Variants in PYHIN1 observed in about 807,000 individuals in gnomAD.
PYHIN1 encodes the protein pyrin and HIN domain-containing protein 1.
Under a neutral mutation model 43.7 loss-of-function variants are expected in PYHIN1, and 32 were observed. The observed-to-expected ratio is 0.73, with a 90% CI of 0.55 to 0.98. PYHIN1 has a LOEUF of 0.98. Ranked by LOEUF, PYHIN1 falls within the 50% of genes least tolerant of loss-of-function variation. The probability of loss-of-function intolerance (pLI) is 0.00; values close to 1 mark genes in which losing one functional copy is unlikely to be tolerated. For synonymous variants in PYHIN1, 205 were observed against 203.1 expected, an observed-to-expected ratio of 1.01 and a Z score of -0.08; for missense variants, 588 against 589.5, an observed-to-expected ratio of 1.00 and a Z score of 0.03.
At chr1:158,980,970 C>T (rs750689083), downstream of PYHIN1, among the ~76,000 whole-genome samples, 20 of 152,110 alleles carry the variant, frequency 1.3e-4, no homozygotes, top group Admixed American at 3.9e-4. Context: ...AGTCACCCCT[C>T]GTGGCCCAGC....
rs1276473775 is a variant in PYHIN1 at position 158,936,937 on chromosome 1, T to C, written c.27T>C (p.Val9=). MANNYKKI[V]LLKGLEVIND... ...TGGCAAATAACTACAAGAAAATTGT[T>C]CTACTGAAAGGATTAGAGGTCATCA... Residue 9 remains valine (V), a synonymous_variant, in exon 2 of 9, where the codon GTT becomes GTC. Coordinates refer to ENST00000368140, the MANE Select transcript of PYHIN1 (RefSeq NM_152501.5). 1 of 1,587,314 alleles carries C rather than the reference T, an allele frequency of 6.3e-7. No individual in the cohort carries two copies. Among genetic ancestry groups the C allele is most frequent in the Non-Finnish European group, 8.5e-7 (1 of 1,170,036 alleles).
At chr1:158,948,258 T>C (rs1305279425) in intron 7 of PYHIN1, among the ~76,000 whole-genome samples, 1 of 152,190 alleles carries the variant, frequency 6.6e-6, no homozygotes, top group African/African-American at 2.4e-5. Context: ...GTCAAACCAG[T>C]AGAGATAATC....
At chr1:158,966,075 C>A (rs1466940451) in intron 7 of PYHIN1, among the ~76,000 whole-genome samples, 1 of 152,106 alleles carries the variant, frequency 6.6e-6, no homozygotes, top group Non-Finnish European at 1.5e-5. Context: ...ATACAACAAT[C>A]CTTCAGAGAC....
rs548526850 is a variant in PYHIN1, at chr1:158,962,433, G to A, written c.1360-11214G>A. 2.6e-5 allele frequency among the ~76,000 whole-genome samples: 4 copies of A among 152,240 alleles called. No homozygotes were observed. The South Asian group carries it at 8.3e-4, about 32-fold the overall frequency. On this transcript the variant is annotated intron_variant, in intron 7 of 8. Transcript: ENST00000368140. ...CCCCAACACACTGGAGCCACCCCAC[G>A]GAGAAGTGATCGGACCGTTGTATCC...
chr1:158,966,414 A>G (rs2101721636), intron 7 of PYHIN1, among the ~76,000 whole-genome samples: 1 of 152,254 alleles, frequency 6.6e-6, no homozygotes, highest in African/African-American at 2.4e-5. Flanking sequence ...GCAGAGACAC[A>G]ACAAAAAAAG....
chr1:158,940,609 T>C (rs1648859459), intron 4 of PYHIN1, among the ~76,000 whole-genome samples: 1 of 152,194 alleles, frequency 6.6e-6, no homozygotes. Context: ...TAAAAAAATG[T>C]TCTATATTTC....
chr1:158,961,255 T>C (rs1297215945), intron 7 of PYHIN1, among the ~76,000 whole-genome samples: 1 of 152,238 alleles, frequency 6.6e-6, no homozygotes, highest in East Asian at 1.9e-4. Context: ...TTCACAAAGA[T>C]AGTGAGTGTG....
chr1:158,939,245 G>C lies in PYHIN1; in HGVS notation c.577G>C (p.Glu193Gln). Reference protein sequence around the residue: ...SSAPPNTSSTESLKPLANRHA... With the variant: ...SSAPPNTSSTQSLKPLANRHA... ...AGCTCCACCCAACACTTCCTCAACT[G>C]AGGTACACTCTTCCTGGTCCCCTTT... The change falls in exon 4 of 9, where the codon GAG becomes CAG. Residue 193 changes from glutamate (E) to glutamine (Q), a missense_variant and splice_region_variant. Glu to Gln is a conservative substitution (Grantham distance 29). Transcript: ENST00000368140. The C allele has an allele frequency of 6.3e-7, 1 of 1,596,564 alleles. No individual in the cohort carries two copies. The highest frequency in any genetic ancestry group is 8.5e-7 in the Non-Finnish European group (1 of 1,171,762).
the PYHIN1 span, among the ~76,000 whole-genome samples, chr1:158,990,863 G>A: frequency 6.6e-6 from 1 of 152,132 alleles, no homozygotes; most frequent in Non-Finnish European, 1.5e-5. Flanking sequence ...CCAGGGGCCA[G>A]TTTCTCCCAT....
At chr1:158,964,527 T>A (rs933055326) in intron 7 of PYHIN1, among the ~76,000 whole-genome samples, 2 of 152,292 alleles carry the variant, frequency 1.3e-5, no homozygotes, top group South Asian at 4.1e-4. Flanking sequence ...CCTATCAGAC[T>A]ACAGCAGAAC....
intron 7 of PYHIN1, among the ~76,000 whole-genome samples, chr1:158,967,804 C>A (rs994861180): frequency 6.6e-6 from 1 of 151,882 alleles, no homozygotes; most frequent in Non-Finnish European, 1.5e-5. Flanking sequence ...CCTACAATCA[C>A]TGGATCTTTG....
chr1:158,953,842 G>C (rs1258653443), intron 7 of PYHIN1, among the ~76,000 whole-genome samples: 6 of 150,846 alleles, frequency 4.0e-5, no homozygotes, highest in Non-Finnish European at 7.4e-5. Flanking sequence ...CAAAGAAGTT[G>C]AAAACTTTGA....
intron 7 of PYHIN1, among the ~76,000 whole-genome samples, chr1:158,953,620 C>A (rs909300244): frequency 6.6e-6 from 1 of 151,886 alleles, no homozygotes; most frequent in Non-Finnish European, 1.5e-5. Context: ...TCATCAAAGA[C>A]CAAAAGTAGA....
chr1:158,939,616 C>T, intron 4 of PYHIN1: 3 of 1,204,368 alleles, frequency 2.5e-6, no homozygotes, highest in Non-Finnish European at 3.6e-6. Flanking sequence ...AGGATTTTCA[C>T]ACACCATATT....
chr1:158,945,091 A>G, intron 7 of PYHIN1, 49 bp downstream of exon 7: 2 of 1,532,298 alleles, frequency 1.3e-6, no homozygotes, highest in South Asian at 1.2e-5. Flanking sequence ...TATAAATTAC[A>G]AGGATCATTA....
At chr1:158,977,585 ATTAAT>A (rs1294430643), downstream of PYHIN1, among the ~76,000 whole-genome samples, 4 of 152,098 alleles carry the variant, frequency 2.6e-5, no homozygotes, top group African/African-American at 9.6e-5. Context: ...CTGAAGAATA[ATTAAT>A]TTATTTTAGA....
rs546648007 is a variant in PYHIN1 at position 158,946,548 on chromosome 1, T to C, written c.1359+1506T>C. Among the ~76,000 whole-genome samples the C allele has an allele frequency of 8.3e-3, 242 of 29,102 alleles. 1 individual carries two copies. The highest frequency in any genetic ancestry group is 0.028 in the African/African-American group (225 of 7,956). 19.1% of individuals were successfully genotyped at this position (29,102 alleles called of 152,430 possible). ...GAAAGAATCCTTCTAGCACAGTGAT[T>C]AGATAGATAGATAGATAGATAGATA... On this transcript the variant is annotated intron_variant, in intron 7 of 8. Coordinates refer to ENST00000368140, the MANE Select transcript of PYHIN1 (RefSeq NM_152501.5).
chr1:158,943,863 G>A lies in PYHIN1; in HGVS notation c.1076G>A (p.Gly359Glu). The A allele has an allele frequency of 6.2e-7, 1 of 1,611,244 alleles. No individual in the cohort carries two copies. Among genetic ancestry groups the A allele is most frequent in the Non-Finnish European group, 8.5e-7 (1 of 1,177,942 alleles). Residue 359 changes from glycine to glutamate, a missense_variant, in exon 6 of 9, where the codon GGA becomes GAA. Physicochemically the swap from Gly to Glu is moderately conservative, Grantham distance 98 (BLOSUM62 -2). Coordinates refer to ENST00000368140, the MANE Select transcript of PYHIN1 (RefSeq NM_152501.5). Reference protein sequence around the residue: ...KTGSMAVVGKGECHNIPCEKG... With the variant: ...KTGSMAVVGKEECHNIPCEKG... ...GGAAGTATGGCTGTAGTAGGAAAAG[G>A]AGAATGCCACAATATCCCCTGTGAA...
chr1:158,942,069 A>C lies in PYHIN1; in HGVS notation c.672A>C (p.Lys224Asn). Reference sequence around the variant, plus strand: ...TCGCGATGGTACTAAATGCAACAAAAGTATTTAAATATGAATCCTCAGAAA... The same window carrying C: ...TCGCGATGGTACTAAATGCAACAAACGTATTTAAATATGAATCCTCAGAAA... ...PIIAMVLNAT[K>N]VFKYESSENE... The change falls in exon 5 of 9, where the codon AAA becomes AAC. Residue 224 changes from lysine (K) to asparagine (N), a missense_variant. Physicochemically the swap from Lys to Asn is moderately conservative, Grantham distance 94. Coordinates refer to ENST00000368140, the MANE Select transcript of PYHIN1 (RefSeq NM_152501.5). 1 of 1,614,138 alleles carries C rather than the reference A, an allele frequency of 6.2e-7. No homozygotes were observed. Among genetic ancestry groups the C allele is most frequent in the Non-Finnish European group, 8.5e-7 (1 of 1,179,980 alleles).
Sources: allele counts gnomAD v4.1 joint callset (sites outside exome capture counted in the v4.1 genomes callset), GRCh38; gene constraint gnomAD v4.1.1; transcripts MANE v1.5; gene names NCBI Gene and HGNC (gene_info 2026-07-23, HGNC 2026-07-21).